The following PHACTR2 variants were observed in gnomAD, a reference collection of about 807,000 sequenced individuals.
PHACTR2 encodes phosphatase and actin regulator 2, also known as chromosome 6 open reading frame 56.
Under a neutral mutation model 76.0 loss-of-function variants are expected in PHACTR2, and 30 were observed. That is an observed-to-expected ratio of 0.39 (90% CI 0.30 to 0.54). The LOEUF (loss-of-function observed/expected upper bound fraction) is 0.54. Ranked by LOEUF, PHACTR2 falls within the 20% of genes least tolerant of loss-of-function variation. PHACTR2 has a pLI of 0.61. For synonymous variants in PHACTR2, 292 were observed against 292.5 expected (o/e 1.00, Z 0.02); for missense variants, 696 against 781.1 (o/e 0.89, Z 1.30).
In PHACTR2 at chr6:143,563,551, C is replaced by CAAAAAAAAA. The variant is rs76587878; in HGVS notation, c.217+26356_217+26364dup. On this transcript the variant is annotated intron_variant, in intron 1 of 11. Transcript: ENST00000367584. ...AGCCTGGGCGACACAAACTCCGTCT[C>CAAAAAAAAA]AAAAAAAAAAAAAAAAAAAAGAAGA... Among the ~76,000 whole-genome samples the CAAAAAAAAA allele has an allele frequency of 8.3e-3, 248 of 29,838 alleles. 6 individuals carry two copies. The East Asian group carries it at 0.12, about 15-fold the overall frequency. The allele number at this position is 29,838 out of a possible 152,430, so 19.6% of individuals were successfully genotyped here.
At chr6:143,718,430 T>C (rs1778351076) in intron 2 of PHACTR2, among the ~76,000 whole-genome samples, 1 of 152,226 alleles carries the variant, frequency 6.6e-6, no homozygotes, top group Non-Finnish European at 1.5e-5. Context: ...ACCTAAGCAA[T>C]GAGGTCCCAT....
intron 2 of PHACTR2, among the ~76,000 whole-genome samples, chr6:143,713,064 G>A (rs1468689771): frequency 6.6e-6 from 1 of 152,200 alleles, no homozygotes; most frequent in Non-Finnish European, 1.5e-5. Context: ...CTGCACCACA[G>A]TCTAATATTG....
rs1399090837 is a variant in PHACTR2, at chr6:143,708,003, A to G, written c.47-4013A>G. Among the ~76,000 whole-genome samples the G allele has an allele frequency of 6.6e-6, 1 of 152,178 alleles. No individual in the cohort carries two copies. The highest frequency in any genetic ancestry group is 1.5e-5 in the Non-Finnish European group (1 of 68,032). On this transcript the variant is annotated intron_variant, in intron 1 of 12. Transcript: ENST00000440869. This position sits in a 1 kb window ranked among gnomAD's most constrained non-coding sequence, Gnocchi z 5.5. ...ACAGTATCAAGAGGGGACGGTGCTA[A>G]GCAATTCATGAAAACTCTGCCACCA...
chr6:143,585,509 A>G lies in PHACTR2; in HGVS notation c.217+48302A>G, dbSNP rs1055333843. ...GAGTAAGGAACTGGATTCAGAAACA[A>G]GAGCTGCCAGTGCCGCATACCAAGC... On this transcript the variant is annotated intron_variant, in intron 1 of 11. Transcript: ENST00000367584. This position sits in a 1 kb window ranked among gnomAD's most constrained non-coding sequence, Gnocchi z 5.2. 1.3e-5 allele frequency among the ~76,000 whole-genome samples: 2 copies of G among 152,194 alleles called. No homozygotes were observed. Among genetic ancestry groups the G allele is most frequent in the African/African-American group, 4.8e-5 (2 of 41,440 alleles).
rs1249305137 is a variant in PHACTR2 at position 143,648,318 on chromosome 6, T to C, written c.13+39996T>C. Reference sequence around the variant, plus strand: ...AGCCCATCTGCATTTCCCTGGGAGCTCAATTAGTCATCACTTTGCCTTATT... The same window carrying C: ...AGCCCATCTGCATTTCCCTGGGAGCCCAATTAGTCATCACTTTGCCTTATT... On this transcript the variant is annotated intron_variant, in intron 1 of 11. Transcript: ENST00000305766. The surrounding 1 kb of genome is among the most constrained non-coding windows in gnomAD (Gnocchi z 6.7). Among the ~76,000 whole-genome samples the C allele has an allele frequency of 1.3e-5, 2 of 152,194 alleles. No homozygotes were observed. The highest frequency in any genetic ancestry group is 4.8e-5 in the African/African-American group (2 of 41,444).
In PHACTR2 at chr6:143,655,335, A is replaced by G. The variant is rs1257480942; in HGVS notation, c.13+47013A>G. Among the ~76,000 whole-genome samples the G allele has an allele frequency of 2.6e-5, 4 of 152,250 alleles. No homozygotes were observed. In the East Asian group the frequency reaches 7.7e-4, roughly 29 times the overall value. On this transcript the variant is annotated intron_variant, in intron 1 of 11. Coordinates refer to the PHACTR2 transcript ENST00000305766. ...GGGGAATTGTGGGGAACAGGAAGTGATGCTAATGGGCATAGGGTTTCTTAC... is the reference window on the plus strand; with the variant it reads ...GGGGAATTGTGGGGAACAGGAAGTGGTGCTAATGGGCATAGGGTTTCTTAC...
In PHACTR2 at chr6:143,774,840, T is replaced by C. The variant is rs1254707417; in HGVS notation, c.1589+625T>C. 6.6e-6 allele frequency among the ~76,000 whole-genome samples: 1 copy of C among 152,310 alleles called. No individual in the cohort carries two copies. Among genetic ancestry groups the C allele is most frequent in the African/African-American group, 2.4e-5 (1 of 41,576 alleles). ...TGACATCTCTTCCTGCCTCCAACCA[T>C]TGTATAGGATTTTTGCTTTTGCCAC... On this transcript the variant is annotated intron_variant, in intron 8 of 12. Coordinates refer to ENST00000440869, the MANE Select transcript of PHACTR2 (RefSeq NM_001100164.2). The surrounding 1 kb of genome is among the most constrained non-coding windows in gnomAD (Gnocchi z 5.4).
chr6:143,692,269 T>C (rs1777662148), intron 1 of PHACTR2, among the ~76,000 whole-genome samples: 1 of 152,214 alleles, frequency 6.6e-6, no homozygotes, highest in South Asian at 2.1e-4. Context: ...AAAGGGATTT[T>C]GTGTTTTTCA....
At chr6:143,748,235 T>A (rs1241124656) in intron 2 of PHACTR2, among the ~76,000 whole-genome samples, 1 of 152,104 alleles carries the variant, frequency 6.6e-6, no homozygotes, top group Non-Finnish European at 1.5e-5. Context: ...CCAGCTAATT[T>A]TTGTATTTTT....
chr6:143,567,990 G>A (rs1775386660), intron 1 of PHACTR2, among the ~76,000 whole-genome samples: 1 of 152,148 alleles, frequency 6.6e-6, no homozygotes, highest in East Asian at 1.9e-4. Flanking sequence ...TAGTCGCTAT[G>A]CATCTTTTCA....
chr6:143,630,321 A>G (rs1259064713), intron 1 of PHACTR2, among the ~76,000 whole-genome samples: 1 of 151,310 alleles, frequency 6.6e-6, no homozygotes, highest in African/African-American at 2.4e-5. Context: ...GGCTACCTTT[A>G]GAGGAAATTT....
chr6:143,704,738 C>T (rs2128459306), intron 1 of PHACTR2, among the ~76,000 whole-genome samples: 1 of 152,272 alleles, frequency 6.6e-6, no homozygotes, highest in East Asian at 1.9e-4. Context: ...ATTCAGGATG[C>T]CATGTTACAT....
In PHACTR2 at chr6:143,760,496, C is replaced by T. The variant is rs1164699601; in HGVS notation, c.550C>T (p.Pro184Ser). 4 of 1,613,846 alleles carry T rather than the reference C, an allele frequency of 2.5e-6. No homozygotes were observed. Among genetic ancestry groups the T allele is most frequent in the Middle Eastern group, 1.6e-4 (1 of 6,084 alleles). Residue 184 changes from proline to serine, a missense_variant, in exon 5 of 13, where the codon CCT becomes TCT. Physicochemically the swap from Pro to Ser is moderately conservative, Grantham distance 74 (BLOSUM62 -1). This residue lies in a region of PHACTR2 where 460 missense variants were observed against 450.9 expected (regional missense o/e 1.02). Coordinates refer to ENST00000440869, the MANE Select transcript of PHACTR2 (RefSeq NM_001100164.2). This position sits in a 1 kb window ranked among gnomAD's most constrained non-coding sequence, Gnocchi z 6.4. ...PRPKPKPKKS[P>S]VPPKGATAGA... Reference sequence around the variant, plus strand: ...ACCCAAACCTAAACCCAAAAAATCACCTGTGCCTCCGAAAGGGGCCACTGC... The same window carrying T: ...ACCCAAACCTAAACCCAAAAAATCATCTGTGCCTCCGAAAGGGGCCACTGC...
Position 143,816,998 on chromosome 6 carries a change from A to G in PHACTR2, c.1923-6676A>G, listed in dbSNP as rs1336068490. ...GGAGAATCTCTTGAATCCAGGAGGC[A>G]GGGTTTGCAGTGAGCCGAGATCATG... On this transcript the variant is annotated intron_variant, in intron 12 of 12. Transcript: ENST00000440869. This position sits in a 1 kb window ranked among gnomAD's most constrained non-coding sequence, Gnocchi z 4.5. Among the ~76,000 whole-genome samples, 3 of 152,096 alleles carry G rather than the reference A, an allele frequency of 2.0e-5. No individual in the cohort carries two copies. Among genetic ancestry groups the G allele is most frequent in the African/African-American group, 7.2e-5 (3 of 41,426 alleles).
rs570754542 is a variant in PHACTR2, at chr6:143,570,827, A to T, written c.217+33620A>T. On this transcript the variant is annotated intron_variant, in intron 1 of 11. Transcript: ENST00000367584. The surrounding 1 kb of genome is among the most constrained non-coding windows in gnomAD (Gnocchi z 4.6). ...GACGGTGGAGATGCCGCTTTATTGC[A>T]AATCCCTCCCCGGACTCCTCCTCTT... Among the ~76,000 whole-genome samples, 59 of 152,220 alleles carry T rather than the reference A, an allele frequency of 3.9e-4. No individual in the cohort carries two copies. In the South Asian group the frequency reaches 8.1e-3, roughly 21 times the overall value.
intron 1 of PHACTR2, among the ~76,000 whole-genome samples, chr6:143,577,629 A>G (rs574799841): frequency 1.3e-5 from 2 of 152,302 alleles, no homozygotes; most frequent in South Asian, 2.1e-4. Context: ...TCGGAACCCT[A>G]TTGTGCAAGG....
chr6:143,666,280 A>T (rs1015334974), intron 1 of PHACTR2, among the ~76,000 whole-genome samples: 1 of 152,122 alleles, frequency 6.6e-6, no homozygotes, highest in Non-Finnish European at 1.5e-5. Context: ...TCTATCATTG[A>T]TGTACATTTG....
chr6:143,718,955 T>C (rs1370045107), intron 2 of PHACTR2, among the ~76,000 whole-genome samples: 1 of 149,266 alleles, frequency 6.7e-6, no homozygotes, highest in Non-Finnish European at 1.5e-5. Context: ...TGATCTCGGC[T>C]CACTGCAACC....
Position 143,731,139 on chromosome 6 carries a change from T to C in PHACTR2, c.215-17846T>C, listed in dbSNP as rs1778690360. Among the ~76,000 whole-genome samples, 1 of 152,240 alleles carries C rather than the reference T, an allele frequency of 6.6e-6. No individual in the cohort carries two copies. The highest frequency in any genetic ancestry group is 1.5e-5 in the Non-Finnish European group (1 of 68,046). On this transcript the variant is annotated intron_variant, in intron 2 of 12. Transcript: ENST00000440869. The surrounding 1 kb of genome is among the most constrained non-coding windows in gnomAD (Gnocchi z 4.9). Reference sequence around the variant, plus strand: ...AAGAGTATTTATTATGAATAGATATTGGATTTCTCAAACGCATTTTTCTGG... The same window carrying C: ...AAGAGTATTTATTATGAATAGATATCGGATTTCTCAAACGCATTTTTCTGG...
Sources: allele counts gnomAD v4.1 joint callset (sites outside exome capture counted in the v4.1 genomes callset), GRCh38; gene constraint gnomAD v4.1.1; regional missense constraint gnomAD v4.1.1; non-coding constraint Gnocchi (gnomAD v3.1); transcripts MANE v1.5; gene names NCBI Gene and HGNC (gene_info 2026-07-23, HGNC 2026-07-21).